The following CASK variants were observed in gnomAD, a reference collection of about 807,000 sequenced individuals.
CASK encodes peripheral plasma membrane protein CASK.
Under a neutral mutation model 82.9 loss-of-function variants are expected in CASK, and 4 were observed. The observed-to-expected ratio is 0.05, with a 90% CI of 0.02 to 0.11. The LOEUF is 0.11. Ranked by LOEUF, CASK falls within the 10% of genes least tolerant of loss-of-function variation. The pLI, the probability that CASK is intolerant of heterozygous loss-of-function variation, is 1.00. For missense variants in CASK, 358 were observed against 720.9 expected (o/e 0.50, Z 5.76); for synonymous variants, 259 against 253.5 (o/e 1.02, Z -0.20).
intron 8 of CASK, among the ~76,000 whole-genome samples, chrX:41,645,310 C>T (rs142974049): frequency 0.014 from 1,520 of 111,395 alleles, 18 homozygotes; most frequent in African/African-American, 0.047. Flanking sequence ...TAACTGCAGC[C>T]GAATGCCATT....
At chrX:41,826,827 T>C (rs2070677828) in intron 2 of CASK, among the ~76,000 whole-genome samples, 1 of 112,325 alleles carries the variant, frequency 8.9e-6, no homozygotes, top group African/African-American at 3.2e-5. Context: ...CTAATAATTG[T>C]CAATTTTCAT....
At chrX:41,766,069 T>C (rs1347242314) in intron 3 of CASK, among the ~76,000 whole-genome samples, 1 of 111,751 alleles carries the variant, frequency 8.9e-6, no homozygotes, top group Non-Finnish European at 1.9e-5. Context: ...GAATCTAAAA[T>C]TGTAATAAAA....
chrX:41,584,769 A>G (rs1159042749), intron 14 of CASK: 1 of 111,560 alleles, frequency 9.0e-6, no homozygotes, highest in Admixed American at 9.5e-5. Context: ...GACCCCTGCT[A>G]TAGAAGACAT....
chrX:41,601,603 C>G (rs1192402860), intron 12 of CASK, among the ~76,000 whole-genome samples: 1 of 111,441 alleles, frequency 9.0e-6, no homozygotes, highest in Non-Finnish European at 1.9e-5. Context: ...CCTGTGAAAT[C>G]TAGTGGGATG....
At position 41,524,196 on chromosome X, in the gene CASK, A is replaced by G. The variant is rs770930590; in HGVS notation, c.2521-162T>C. ...AATTTACCAACTTTATACATAACTT[A>G]TATTACTTTTTTTCTAAAGGATGGA... On this transcript the variant is annotated intron_variant, in intron 25 of 26. Transcript: ENST00000378163. 499 of 450,689 alleles carry G rather than the reference A, an allele frequency of 1.1e-3. 4 individuals carry two copies. The highest frequency in any genetic ancestry group is 5.5e-4 in the Non-Finnish European group (143 of 260,562). 37.1% of individuals were successfully genotyped at this position (450,689 alleles called of 1,213,427 possible).
chrX:41,527,243 CAGAGAG>C (rs958703156), intron 25 of CASK, among the ~76,000 whole-genome samples: 5 of 105,769 alleles, frequency 4.7e-5, no homozygotes, highest in Non-Finnish European at 7.8e-5. Context: ...GAGAGAGAGA[CAGAGAG>C]AGAGAGAGAG....
chrX:41,854,849 G>A (rs2071340871), intron 1 of CASK, among the ~76,000 whole-genome samples: 1 of 112,262 alleles, frequency 8.9e-6, no homozygotes, highest in South Asian at 3.7e-4. Flanking sequence ...TCCTCTGTGA[G>A]AAGACAATAT....
chrX:41,769,824 C>T (rs574292653), intron 3 of CASK, among the ~76,000 whole-genome samples: 2 of 110,273 alleles, frequency 1.8e-5, no homozygotes, highest in East Asian at 5.7e-4. Flanking sequence ...GTGTGCCTGT[C>T]ATCCCAGCTA....
In CASK at chrX:41,799,783, C is replaced by T. The variant is rs184921791; in HGVS notation, c.173-12500G>A. 8.1e-4 allele frequency among the ~76,000 whole-genome samples: 83 copies of T among 102,425 alleles called. 1 individual carries two copies. The Admixed American group carries it at 8.4e-3, about 10-fold the overall frequency. 88.9% of individuals were successfully genotyped at this position (102,425 alleles called of 115,157 possible). On this transcript the variant is annotated intron_variant, in intron 2 of 26. Coordinates refer to ENST00000378163, the MANE Select transcript of CASK (RefSeq NM_001367721.1). ...GAGGCTGTAGCATTCGAGATAGGGA[C>T]CACACAGGGACTGCACCTGTCCCCC...
intron 12 of CASK, among the ~76,000 whole-genome samples, chrX:41,599,868 C>T (rs745867895): frequency 1.8e-5 from 2 of 112,269 alleles, no homozygotes; most frequent in South Asian, 3.7e-4. Flanking sequence ...AAACCAGTTA[C>T]ATGATATAAT....
intron 1 of CASK, among the ~76,000 whole-genome samples, chrX:41,882,675 G>A (rs1009574248): frequency 1.3e-4 from 15 of 111,235 alleles, no homozygotes; most frequent in African/African-American, 4.9e-4. Flanking sequence ...TCTCAATGAG[G>A]ACTGGAACCC....
intron 2 of CASK, among the ~76,000 whole-genome samples, chrX:41,804,421 A>G (rs2070068303): frequency 9.0e-6 from 1 of 111,578 alleles, no homozygotes; most frequent in African/African-American, 3.3e-5. Flanking sequence ...TGAGCTCTGA[A>G]ATTGGGGCTG....
At position 41,609,994 on chromosome X, in the gene CASK, T is replaced by C. The variant is rs958545873; in HGVS notation, c.1065A>G (p.Glu355=). The C allele has an allele frequency of 1.7e-6, 2 of 1,208,803 alleles. No homozygotes were observed. Among genetic ancestry groups the C allele is most frequent in the Non-Finnish European group, 2.2e-6 (2 of 893,942 alleles). The change falls in exon 12 of 27, where the codon GAA becomes GAG. Residue 355 remains glutamate, a synonymous_variant. Coordinates refer to ENST00000378163, the MANE Select transcript of CASK (RefSeq NM_001367721.1). ...TGCAGTCTGTAAGCGCATGAATCTC[T>C]TCCAGGCTGTCCAGCACCTGTGAGA... The part of the protein sequence containing the change: ...RAVSQVLDSL[E]EIHALTDCSE...
intron 2 of CASK, among the ~76,000 whole-genome samples, chrX:41,818,912 G>A (rs181795294): frequency 2.2e-4 from 24 of 110,606 alleles, no homozygotes; most frequent in African/African-American, 6.2e-4. Flanking sequence ...AGACCTAAAT[G>A]TAAAACCTAA....
chrX:41,712,169 T>G (rs1419220953), intron 5 of CASK, among the ~76,000 whole-genome samples: 1 of 112,352 alleles, frequency 8.9e-6, no homozygotes, highest in East Asian at 2.8e-4. Flanking sequence ...GGTGGCCATG[T>G]GGTTTCCCAC....
intron 5 of CASK, among the ~76,000 whole-genome samples, chrX:41,718,451 C>G (rs1299001307): frequency 8.9e-6 from 1 of 111,825 alleles, no homozygotes; most frequent in Non-Finnish European, 1.9e-5. Context: ...GTCTTGGGGA[C>G]TCAGCCTTCA....
intron 2 of CASK, among the ~76,000 whole-genome samples, chrX:41,845,004 T>C (rs1262938106): frequency 8.9e-6 from 1 of 112,220 alleles, no homozygotes; most frequent in Non-Finnish European, 1.9e-5. Flanking sequence ...GCTTCCGTTA[T>C]TGATTTCTGA....
chrX:41,871,618 G>C (rs939605227), intron 1 of CASK, among the ~76,000 whole-genome samples: 1 of 111,807 alleles, frequency 8.9e-6, no homozygotes, highest in African/African-American at 3.3e-5. Flanking sequence ...CATGCACTTG[G>C]GAAAATACTA....
intron 5 of CASK, among the ~76,000 whole-genome samples, chrX:41,733,175 CAAAAAA>C (rs200021916): frequency 1.9e-5 from 1 of 53,386 alleles, no homozygotes; most frequent in Non-Finnish European, 3.4e-5. Context: ...GATTCCATCT[CAAAAAA>C]AAAAAAAAAA....
Sources: allele counts gnomAD v4.1 joint callset (sites outside exome capture counted in the v4.1 genomes callset), GRCh38; gene constraint gnomAD v4.1.1; transcripts MANE v1.5; gene names NCBI Gene and HGNC (gene_info 2026-07-23, HGNC 2026-07-21).